The following MGST1 variants were observed in gnomAD, a reference collection of about 807,000 sequenced individuals.
MGST1 encodes the protein glutathione S-transferase 12.
A neutral mutation model predicts 8.9 loss-of-function variants in MGST1; 5 were observed. That is an observed-to-expected ratio of 0.56 (90% CI 0.29 to 1.19). MGST1 has a LOEUF of 1.19. Ranked by LOEUF, MGST1 falls within the 50% of genes most tolerant of loss-of-function variation. MGST1 has a pLI of 0.08. For synonymous variants in MGST1, 54 were observed against 67.8 expected (o/e 0.80, Z 1.00); for missense variants, 182 against 187.4 (o/e 0.97, Z 0.17).
intron 4 of MGST1, among the ~76,000 whole-genome samples, chr12:16,504,065 G>C (rs1209998448): frequency 1.3e-5 from 2 of 152,088 alleles, no homozygotes; most frequent in African/African-American, 4.8e-5. Flanking sequence ...CCTCAATTTT[G>C]GGGCTTGCCT....
chr12:16,532,493 C>A (rs934622060), intron 4 of MGST1, among the ~76,000 whole-genome samples: 4 of 152,008 alleles, frequency 2.6e-5, no homozygotes, highest in Admixed American at 6.6e-5. Context: ...AATTTTAGAC[C>A]AGAAATATTT....
intron 4 of MGST1, among the ~76,000 whole-genome samples, chr12:16,508,739 A>G (rs1396359767): frequency 6.6e-6 from 1 of 152,200 alleles, no homozygotes; most frequent in Non-Finnish European, 1.5e-5. Flanking sequence ...AAATGAATGT[A>G]TGCTTAATGT....
At chr12:16,382,664 G>A (rs1940467662), upstream of MGST1, among the ~76,000 whole-genome samples, 1 of 152,222 alleles carries the variant, frequency 6.6e-6, no homozygotes, top group Admixed American at 6.5e-5. Flanking sequence ...TCTCTTCAAA[G>A]CTGTCAGACA....
intron 4 of MGST1, among the ~76,000 whole-genome samples, chr12:16,577,631 G>C (rs1943035423): frequency 6.6e-6 from 1 of 152,086 alleles, no homozygotes; most frequent in African/African-American, 2.4e-5. Context: ...GGACAAGTAA[G>C]AATAATAACA....
chr12:16,352,159 T>A (rs1190496912), intron 1 of MGST1, among the ~76,000 whole-genome samples: 1 of 152,188 alleles, frequency 6.6e-6, no homozygotes, highest in Non-Finnish European at 1.5e-5. Context: ...ACAATTGTAA[T>A]AGATTAACAA....
At chr12:16,489,865 G>A (rs1565463701) in intron 4 of MGST1, among the ~76,000 whole-genome samples, 1 of 152,114 alleles carries the variant, frequency 6.6e-6, no homozygotes, top group Admixed American at 6.5e-5. Context: ...CTGTCATCAT[G>A]CAATTCCATT....
chr12:16,577,832 C>CA, intron 4 of MGST1, among the ~76,000 whole-genome samples: 1 of 152,168 alleles, frequency 6.6e-6, no homozygotes, highest in Non-Finnish European at 1.5e-5. Flanking sequence ...AACAGGGCCA[C>CA]AGTTCTTTCT....
chr12:16,578,098 A>G (rs960759569), intron 4 of MGST1, among the ~76,000 whole-genome samples: 1 of 152,114 alleles, frequency 6.6e-6, no homozygotes, highest in African/African-American at 2.4e-5. Flanking sequence ...TGCTCACGGC[A>G]CCTCATCGCC....
intron 1 of MGST1, among the ~76,000 whole-genome samples, chr12:16,426,807 C>T (rs1940893239): frequency 6.6e-6 from 1 of 151,646 alleles, no homozygotes; most frequent in Admixed American, 6.6e-5. Flanking sequence ...AAAACAACAA[C>T]AACAACAAAA....
intron 4 of MGST1, among the ~76,000 whole-genome samples, chr12:16,445,044 A>G (rs529063790): frequency 6.6e-6 from 1 of 151,834 alleles, no homozygotes; most frequent in East Asian, 2.0e-4. Context: ...AAACCGCCAC[A>G]TTCATAAAGT....
chr12:16,425,065 C>T (rs1172618185), intron 1 of MGST1, among the ~76,000 whole-genome samples: 1 of 152,148 alleles, frequency 6.6e-6, no homozygotes, highest in African/African-American at 2.4e-5. Context: ...ACCTCTTGCC[C>T]TAACACTGAA....
At chr12:16,573,920 C>T (rs1220114595) in intron 4 of MGST1, 1 of 151,964 alleles carries the variant, frequency 6.6e-6, no homozygotes, top group African/African-American at 2.4e-5. Context: ...CCTGATAGGC[C>T]CTCACTCTAT....
At chr12:16,429,643 A>G (rs1940921762) in intron 1 of MGST1, among the ~76,000 whole-genome samples, 1 of 152,172 alleles carries the variant, frequency 6.6e-6, no homozygotes. Flanking sequence ...AATTATGTTT[A>G]TACTATACTG....
At chr12:16,501,938 C>A (rs887319284) in intron 4 of MGST1, among the ~76,000 whole-genome samples, 7 of 151,968 alleles carry the variant, frequency 4.6e-5, no homozygotes, top group African/African-American at 1.7e-4. Context: ...CTAAATTATT[C>A]TAGGTTGTGG....
intron 4 of MGST1, among the ~76,000 whole-genome samples, chr12:16,491,526 G>A (rs1336627446): frequency 6.6e-6 from 1 of 152,050 alleles, no homozygotes; most frequent in Non-Finnish European, 1.5e-5. Context: ...TCACCATTTC[G>A]TTGTCCATTT....
At chr12:16,374,031 T>G (rs745499936) in intron 3 of MGST1, among the ~76,000 whole-genome samples, 58 of 152,238 alleles carry the variant, frequency 3.8e-4, no homozygotes, top group Middle Eastern at 3.4e-3. Context: ...GTCCCTTTGG[T>G]TGGAAAAGTG....
chr12:16,461,180 G>GAAAA (rs35831625), intron 4 of MGST1, among the ~76,000 whole-genome samples: 1 of 145,740 alleles, frequency 6.9e-6, no homozygotes, highest in Non-Finnish European at 1.5e-5. Context: ...ATGCCCAAAG[G>GAAAA]AAAAAAAAAA....
downstream of MGST1, among the ~76,000 whole-genome samples, chr12:16,440,399 C>T (rs531990149): frequency 6.6e-5 from 10 of 151,886 alleles, no homozygotes; most frequent in East Asian, 1.9e-3. Context: ...TAGCCAATAC[C>T]TTCTCCCTGC....
chr12:16,399,106 G>C (rs1940630468), intron 1 of MGST1, among the ~76,000 whole-genome samples: 1 of 152,106 alleles, frequency 6.6e-6, no homozygotes. Context: ...GTCCTGGTGG[G>C]CCTGGAATGC....
Sources: gnomAD v4.1 joint callset for allele counts (sites outside exome capture counted in the v4.1 genomes callset) on GRCh38, gnomAD v4.1.1 for gene constraint, MANE v1.5 for transcripts, NCBI Gene and HGNC (gene_info 2026-07-23, HGNC 2026-07-21) for gene names.